The following NCAM2 variants were observed in gnomAD, a reference collection of about 807,000 sequenced individuals.
NCAM2 encodes neural cell adhesion molecule 2, also known as N-CAM-2.
Under a neutral mutation model 98.1 loss-of-function variants are expected in NCAM2, and 30 were observed. The ratio of observed to expected loss-of-function variants is 0.31; its 90% CI spans 0.23 to 0.41. NCAM2 has a LOEUF of 0.41. Ranked by LOEUF, NCAM2 falls within the 10% of genes least tolerant of loss-of-function variation. NCAM2 has a pLI of 1.00. For synonymous variants in NCAM2, 368 were observed against 342.4 expected (o/e 1.07, Z -0.83); for missense variants, 867 against 1,005.8 (o/e 0.86, Z 1.87).
At position 21,071,592 on chromosome 21, in the gene NCAM2, G is replaced by A. The variant is rs368667731; in HGVS notation, c.55+72974G>A. Among the ~76,000 whole-genome samples the A allele has an allele frequency of 4.5e-4, 68 of 152,252 alleles. 1 individual carries two copies. The South Asian group carries it at 5.8e-3, about 13-fold the overall frequency. On this transcript the variant is annotated intron_variant, in intron 1 of 17. Coordinates refer to ENST00000400546, the MANE Select transcript of NCAM2 (RefSeq NM_004540.5). Reference sequence around the variant, plus strand: ...AGGTTTATGCAGCTATAGCATTGACGTATAGAGTTAGAAGTTAAATTGAAA... The same window carrying A: ...AGGTTTATGCAGCTATAGCATTGACATATAGAGTTAGAAGTTAAATTGAAA...
chr21:21,112,682 A>T (rs542630584), intron 1 of NCAM2, among the ~76,000 whole-genome samples: 43 of 152,208 alleles, frequency 2.8e-4, no homozygotes, highest in Non-Finnish European at 5.6e-4. Context: ...GTCTGTCACC[A>T]TCAGGCCTTA....
At chr21:21,058,216 A>AACAAGAT (rs2065252852) in intron 1 of NCAM2, among the ~76,000 whole-genome samples, 1 of 32,784 alleles carries the variant, frequency 3.1e-5, no homozygotes, top group East Asian at 1.0e-3. Flanking sequence ...CAAAGAAAAA[A>AACAAGAT]AACAAGATAT....
chr21:21,376,825 T>G (rs1021721451), intron 9 of NCAM2, among the ~76,000 whole-genome samples: 1 of 151,808 alleles, frequency 6.6e-6, no homozygotes, highest in African/African-American at 2.4e-5. Context: ...CAGAAAATTA[T>G]GTAGTTTAGT....
chr21:21,484,684 A>G (rs929338759), intron 15 of NCAM2, among the ~76,000 whole-genome samples: 1 of 152,192 alleles, frequency 6.6e-6, no homozygotes, highest in Non-Finnish European at 1.5e-5. Context: ...TTATGCATGT[A>G]TCTTCACCCA....
chr21:21,200,178 C>G (rs1312200137), intron 1 of NCAM2, among the ~76,000 whole-genome samples: 1 of 151,944 alleles, frequency 6.6e-6, no homozygotes, highest in African/African-American at 2.4e-5. Flanking sequence ...ATAACAATCC[C>G]CATGAAACCC....
intron 1 of NCAM2, among the ~76,000 whole-genome samples, chr21:21,122,968 T>C: frequency 6.6e-6 from 1 of 152,220 alleles, no homozygotes; most frequent in East Asian, 1.9e-4. Context: ...CTTCCTCAGC[T>C]GACTTCTTCC....
At chr21:21,056,920 C>T (rs927770762) in intron 1 of NCAM2, among the ~76,000 whole-genome samples, 1 of 151,916 alleles carries the variant, frequency 6.6e-6, no homozygotes, top group African/African-American at 2.4e-5. Flanking sequence ...TTGCTTTCTC[C>T]CCATTTATTT....
rs567538779 is a variant in NCAM2, at chr21:21,525,305, T to A, written c.2283-9232T>A. Among the ~76,000 whole-genome samples, 135 of 151,806 alleles carry A rather than the reference T, an allele frequency of 8.9e-4. No individual in the cohort carries two copies. In the South Asian group the frequency reaches 0.012, roughly 13 times the overall value. ...AGAAGACAGAGATAGAGAAAGAAAA[T>A]ACACAAGAATATCAGAAATAAAGAA... On this transcript the variant is annotated intron_variant, in intron 16 of 17. Transcript: ENST00000400546.
intron 4 of NCAM2, among the ~76,000 whole-genome samples, chr21:21,289,065 A>G (rs2073200723): frequency 6.6e-6 from 1 of 151,916 alleles, no homozygotes; most frequent in South Asian, 2.1e-4. Flanking sequence ...ATTTGCTGAT[A>G]TCCATTCAAT....
chr21:21,353,013 C>T (rs2075384200), intron 8 of NCAM2, among the ~76,000 whole-genome samples: 1 of 151,816 alleles, frequency 6.6e-6, no homozygotes, highest in African/African-American at 2.4e-5. Context: ...GCCACCATGC[C>T]CAGATAATTT....
At chr21:21,104,636 AGAATGAGCTTG>A (rs370429696) in intron 1 of NCAM2, among the ~76,000 whole-genome samples, 3 of 152,148 alleles carry the variant, frequency 2.0e-5, no homozygotes, top group African/African-American at 7.2e-5. Flanking sequence ...TCCTAAGACA[AGAATGAGCTTG>A]GAATATGCAA....
chr21:21,348,219 G>T (rs2075241118), intron 8 of NCAM2, among the ~76,000 whole-genome samples: 1 of 152,050 alleles, frequency 6.6e-6, no homozygotes. Flanking sequence ...AAAACCTAGA[G>T]ACTTCACAAG....
chr21:21,355,588 A>T (rs569803421), intron 8 of NCAM2, among the ~76,000 whole-genome samples: 69 of 151,068 alleles, frequency 4.6e-4, no homozygotes, highest in African/African-American at 1.7e-3. Context: ...AAGGAAAAAG[A>T]TTATTTATTT....
intron 12 of NCAM2, among the ~76,000 whole-genome samples, chr21:21,462,349 A>T (rs1197326476): frequency 6.6e-6 from 1 of 152,094 alleles, no homozygotes; most frequent in East Asian, 1.9e-4. Context: ...ATGAATAAAA[A>T]TAATCTTACT....
chr21:21,418,436 T>A (rs1403829870), intron 10 of NCAM2, 37 bp from the exon 11 acceptor site: 9 of 1,484,410 alleles, frequency 6.1e-6, no homozygotes, highest in Non-Finnish European at 8.5e-6. Flanking sequence ...TCTGTGATGT[T>A]TTAGAATTGT....
At chr21:21,114,509 C>T (rs2146538566) in intron 1 of NCAM2, among the ~76,000 whole-genome samples, 1 of 152,312 alleles carries the variant, frequency 6.6e-6, no homozygotes, top group African/African-American at 2.4e-5. Context: ...TGTTAATGTT[C>T]TGCCATAGGA....
At chr21:21,461,305 GCAAAGT>G (rs1475622293) in intron 12 of NCAM2, among the ~76,000 whole-genome samples, 1 of 151,772 alleles carries the variant, frequency 6.6e-6, no homozygotes, top group Non-Finnish European at 1.5e-5. Flanking sequence ...TTTATATAAG[GCAAAGT>G]TTTTCTATTT....
In NCAM2 at chr21:21,400,752, C is replaced by T. The variant is rs138170687; in HGVS notation, c.1196-9522C>T. 5.7e-4 allele frequency among the ~76,000 whole-genome samples: 87 copies of T among 152,014 alleles called. 1 individual carries two copies. In the East Asian group the frequency reaches 0.016, roughly 27 times the overall value. On this transcript the variant is annotated intron_variant, in intron 9 of 17. Coordinates refer to ENST00000400546, the MANE Select transcript of NCAM2 (RefSeq NM_004540.5). ...AGGCACCTTATTGTACAAACATATGCGTATCAATGCCTGCATTTGTATGTA... is the reference window on the plus strand; with the variant it reads ...AGGCACCTTATTGTACAAACATATGTGTATCAATGCCTGCATTTGTATGTA...
At chr21:21,232,169 ATTC>A (rs2070655211) in intron 1 of NCAM2, among the ~76,000 whole-genome samples, 1 of 151,442 alleles carries the variant, frequency 6.6e-6, no homozygotes, top group Non-Finnish European at 1.5e-5. Context: ...AGGGCTGTAG[ATTC>A]CTGTCACCCA....
Sources: gnomAD v4.1 joint callset for allele counts (sites outside exome capture counted in the v4.1 genomes callset) on GRCh38, gnomAD v4.1.1 for gene constraint, MANE v1.5 for transcripts, NCBI Gene and HGNC (gene_info 2026-07-23, HGNC 2026-07-21) for gene names.